Variants in CEP350 observed in about 807,000 individuals in gnomAD.
CEP350 encodes centrosome-associated protein 350.
Under a neutral mutation model 331.8 loss-of-function variants are expected in CEP350, and 126 were observed. The ratio of observed to expected loss-of-function variants is 0.38; its 90% CI spans 0.33 to 0.44. CEP350 has a LOEUF of 0.44. CEP350 is among the 20% of genes least tolerant of loss of function. CEP350 has a pLI of 1.00. For synonymous variants in CEP350, 1,200 were observed against 1,259.5 expected (o/e 0.95, Z 1.00); for missense variants, 3,406 against 3,634.6 (o/e 0.94, Z 1.62).
intron 11 of CEP350, 60 bp downstream of exon 11, chr1:180,016,030 C>T (rs1654948556): frequency 2.5e-6 from 4 of 1,585,840 alleles, no homozygotes; most frequent in Non-Finnish European, 3.4e-6. Context: ...GCGGAGTGGT[C>T]TATGTTCAGA....
chr1:180,087,756 T>C (rs1480442183), intron 32 of CEP350, 39 bp downstream of exon 32: 2 of 1,426,552 alleles, frequency 1.4e-6, no homozygotes. Flanking sequence ...TCTGCCTTGT[T>C]TGAAAAAGGA....
intron 1 of CEP350, among the ~76,000 whole-genome samples, chr1:179,963,258 T>G (rs968699768): frequency 6.6e-6 from 1 of 152,140 alleles, no homozygotes; most frequent in Admixed American, 6.5e-5. Flanking sequence ...TCCCATTCTT[T>G]AGGTTACCTC....
intron 11 of CEP350, among the ~76,000 whole-genome samples, chr1:180,019,360 A>G (rs1558104373): frequency 6.6e-6 from 1 of 152,162 alleles, no homozygotes; most frequent in Admixed American, 6.5e-5. Flanking sequence ...GTTGGCACTG[A>G]TAGTTTTGCA....
chr1:180,000,235 A>G (rs1347930143), intron 6 of CEP350, among the ~76,000 whole-genome samples: 1 of 152,192 alleles, frequency 6.6e-6, no homozygotes, highest in Non-Finnish European at 1.5e-5. Context: ...AATGTTTCCT[A>G]AAGAGGAGAG....
rs914971244 is a variant in CEP350, at chr1:180,093,441, A to T, written c.7336A>T (p.Ile2446Phe). 1 of 1,602,870 alleles carries T rather than the reference A, an allele frequency of 6.2e-7. No individual in the cohort carries two copies. Among genetic ancestry groups the T allele is most frequent in the African/African-American group, 1.3e-5 (1 of 74,928 alleles). ...SECLSEKSLS[I>F]HSNVHSDRLL... is the part of the protein sequence containing the mutation. ...GTGCCTAAGTGAGAAAAGCCTTTCT[A>T]TCCATAGCAATGTTCATTCTGACAG... Residue 2446 changes from isoleucine (I) to phenylalanine (F), a missense_variant, in exon 34 of 38, where the codon ATC (isoleucine) becomes TTC (phenylalanine). Around this residue, in one of 5 missense-constraint regions of CEP350, gnomAD observed 1,415 missense variants for 1,512.3 expected, o/e 0.94. Coordinates refer to ENST00000367607, the MANE Select transcript of CEP350 (RefSeq NM_014810.5).
chr1:180,042,987 A>G (rs983828025), intron 19 of CEP350, 69 bp from the exon 20 acceptor site: 15 of 1,512,308 alleles, frequency 9.9e-6, no homozygotes, highest in Admixed American at 6.0e-5. Context: ...CCAAGACACT[A>G]TGCTCCTTCT....
intron 1 of CEP350, among the ~76,000 whole-genome samples, chr1:179,976,504 A>G (rs926876421): frequency 6.6e-6 from 1 of 152,082 alleles, no homozygotes; most frequent in African/African-American, 2.4e-5. Context: ...CATTTCCAGT[A>G]TGCTACAAAA....
chr1:180,033,484 GA>G (rs1292130910), intron 15 of CEP350, among the ~76,000 whole-genome samples: 5 of 152,062 alleles, frequency 3.3e-5, no homozygotes, highest in Admixed American at 1.3e-4. Flanking sequence ...TGTATTTTAA[GA>G]CTCATATATG....
chr1:180,006,078 T>C (rs937822891), intron 7 of CEP350, among the ~76,000 whole-genome samples: 4 of 152,192 alleles, frequency 2.6e-5, no homozygotes, highest in African/African-American at 9.6e-5. Context: ...GTAAAGTTTT[T>C]ATATAGAAAT....
In CEP350 at chr1:179,987,246, TA is replaced by T; in HGVS notation, c.82del (p.Thr28ProfsTer14). ...ATATCATTTTTTTTCCCAGCAGATA[TA>T]ACCACATCGTGGGATGCACTTTCTC... The part of the protein sequence containing the change: ...SQSKDTVQAD[I>X]TTSWDALSQT... On this transcript the variant is annotated frameshift_variant, in exon 3 of 38. Coordinates refer to ENST00000367607, the MANE Select transcript of CEP350 (RefSeq NM_014810.5). LOFTEE classifies it high-confidence loss of function. The T allele has an allele frequency of 1.3e-6, 2 of 1,541,236 alleles. No individual in the cohort carries two copies. Among genetic ancestry groups the T allele is most frequent in the Non-Finnish European group, 1.8e-6 (2 of 1,121,972 alleles).
Position 180,114,423 on chromosome 1 carries a change from A to G in CEP350, c.*3262A>G, listed in dbSNP as rs1242692858. 6.6e-6 allele frequency: 1 copy of G among 152,600 alleles called. No individual in the cohort carries two copies. The highest frequency in any genetic ancestry group is 1.5e-5 in the Non-Finnish European group (1 of 67,998). 9.5% of individuals were successfully genotyped at this position (152,600 alleles called of 1,614,324 possible). On this transcript the variant is annotated 3_prime_UTR_variant, in exon 38 of 38. Coordinates refer to ENST00000367607, the MANE Select transcript of CEP350 (RefSeq NM_014810.5). Reference sequence around the variant, plus strand: ...ATTGTAGGAATTTACATGTTTACAAATCATCTTCAACTGGTTGTGCAGCAA... The same window carrying G: ...ATTGTAGGAATTTACATGTTTACAAGTCATCTTCAACTGGTTGTGCAGCAA...
intron 27 of CEP350, among the ~76,000 whole-genome samples, chr1:180,069,213 C>T (rs1658736934): frequency 6.6e-6 from 1 of 152,130 alleles, no homozygotes; most frequent in African/African-American, 2.4e-5. Context: ...TTTTACACTT[C>T]CCAGTTGGCT....
chr1:179,991,513 C>T (rs2148690566), intron 4 of CEP350, among the ~76,000 whole-genome samples: 1 of 151,644 alleles, frequency 6.6e-6, no homozygotes, highest in Admixed American at 6.6e-5. Context: ...TGGTCTCAAA[C>T]TCCTGACCTC....
At chr1:180,081,985 T>C (rs1245722365) in intron 30 of CEP350, among the ~76,000 whole-genome samples, 1 of 152,182 alleles carries the variant, frequency 6.6e-6, no homozygotes, top group Admixed American at 6.5e-5. Context: ...TGGTGAAAAA[T>C]TACTTCCAAG....
At chr1:180,062,456 A>G in intron 26 of CEP350, 90 bp downstream of exon 26, 1 of 1,394,928 alleles carries the variant, frequency 7.2e-7, no homozygotes, top group Non-Finnish European at 9.4e-7. Context: ...ATATTCATTC[A>G]AGCAGTATGA....
intron 1 of CEP350, among the ~76,000 whole-genome samples, chr1:179,959,918 T>TTCCTTAAATCCAGTAC (rs1479350584): frequency 6.6e-6 from 1 of 152,208 alleles, no homozygotes; most frequent in African/African-American, 2.4e-5. Flanking sequence ...AAATCCAGTA[T>TTCCTTAAATCCAGTAC]TCCTAAACTG....
chr1:180,047,757 C>CAAAAAAAAAAAAAAAAAA (rs5779043), intron 21 of CEP350, among the ~76,000 whole-genome samples: 1 of 74,046 alleles, frequency 1.4e-5, no homozygotes, highest in African/African-American at 6.5e-5. Flanking sequence ...TGAAACTCCT[C>CAAAAAAAAAAAAAAAAAA]AAAAAAAAAA....
chr1:180,079,584 TA>T (rs1659435384), intron 29 of CEP350, among the ~76,000 whole-genome samples: 1 of 151,922 alleles, frequency 6.6e-6, no homozygotes, highest in Non-Finnish European at 1.5e-5. Flanking sequence ...AGGCTTTTAA[TA>T]ATTATATTAG....
chr1:180,043,185 A>G lies in CEP350; in HGVS notation c.4492A>G (p.Thr1498Ala). The G allele has an allele frequency of 6.2e-7, 1 of 1,611,860 alleles. No homozygotes were observed. Among genetic ancestry groups the G allele is most frequent in the Middle Eastern group, 1.7e-4 (1 of 6,050 alleles). ...GAAACAGCTGAGGACCAGAACTGAA[A>G]CAGATAGGTTAATATTCATTCAGTC... ...FVKQLRTRTE[T>A]DRKSPSVSLS... The change falls in exon 20 of 38, where the codon ACA becomes GCA. Residue 1498 changes from threonine to alanine, a missense_variant. Around this residue, in one of 5 missense-constraint regions of CEP350, gnomAD observed 1,857 missense variants for 1,909.2 expected, o/e 0.97. Transcript: ENST00000367607.
Sources: gnomAD v4.1 joint callset for allele counts (sites outside exome capture counted in the v4.1 genomes callset) on GRCh38, gnomAD v4.1.1 for gene constraint, gnomAD v4.1.1 regional missense constraint, MANE v1.5 for transcripts, NCBI Gene and HGNC (gene_info 2026-07-23, HGNC 2026-07-21) for gene names.